The following WWOX variants were observed in gnomAD, a reference collection of about 807,000 sequenced individuals.
The protein encoded by WWOX is WW domain-containing oxidoreductase.
In WWOX, 69 loss-of-function variants were observed where a neutral mutation model predicts 46.2. That is an observed-to-expected ratio of 1.49 (90% CI 1.23 to 1.82). The LOEUF (loss-of-function observed/expected upper bound fraction) is 1.82, where lower values mean the gene tolerates loss of function less well. WWOX is among the 40% of genes most tolerant of loss of function. The pLI is 0.00. For missense variants in WWOX, 919 were observed against 542.6 expected (o/e 1.69, Z -6.89); for synonymous variants, 359 against 202.6 (o/e 1.77, Z -6.56).
chr16:78,679,945 A>G (rs886838532), intron 8 of WWOX, among the ~76,000 whole-genome samples: 1 of 152,166 alleles, frequency 6.6e-6, no homozygotes, highest in South Asian at 2.1e-4. Context: ...GTGCCTTGCA[A>G]ATCCTCTAGT....
intron 8 of WWOX, among the ~76,000 whole-genome samples, chr16:78,871,967 C>A (rs959944575): frequency 6.6e-6 from 1 of 152,192 alleles, no homozygotes; most frequent in Non-Finnish European, 1.5e-5. Flanking sequence ...GAGAGCTTGG[C>A]TGTGGCCTTG....
chr16:78,373,443 A>G (rs571367397), intron 5 of WWOX, among the ~76,000 whole-genome samples: 1 of 152,332 alleles, frequency 6.6e-6, no homozygotes, highest in East Asian at 1.9e-4. Flanking sequence ...GAAATAGCCC[A>G]GGAGTTACAT....
chr16:78,867,720 C>G (rs1301873998), intron 8 of WWOX, among the ~76,000 whole-genome samples: 1 of 151,940 alleles, frequency 6.6e-6, no homozygotes, highest in African/African-American at 2.4e-5. Flanking sequence ...AAGTGAGTTT[C>G]TTAAAGTCCT....
chr16:78,538,218 C>CAA (rs67413792), intron 8 of WWOX, among the ~76,000 whole-genome samples: 606 of 60,074 alleles, frequency 0.01, 28 homozygotes, highest in African/African-American at 0.022. Context: ...TCACTCACAC[C>CAA]AAAAAAAAAA....
chr16:78,635,164 A>T (rs2046537663), intron 8 of WWOX, among the ~76,000 whole-genome samples: 1 of 152,168 alleles, frequency 6.6e-6, no homozygotes, highest in African/African-American at 2.4e-5. Context: ...GCCACTCAAC[A>T]TCTGCAGTCA....
At chr16:78,596,301 T>C (rs76606887) in intron 8 of WWOX, among the ~76,000 whole-genome samples, 3,410 of 152,310 alleles carry the variant, frequency 0.022, 102 homozygotes, top group East Asian at 0.15. Flanking sequence ...CCTGTCTGGC[T>C]GGGTTCTGCT....
intron 8 of WWOX, among the ~76,000 whole-genome samples, chr16:78,540,027 C>CACAA (rs1356296184): frequency 6.6e-5 from 10 of 150,652 alleles, no homozygotes; most frequent in South Asian, 6.3e-4. Context: ...CTCTCACACA[C>CACAA]ACACACACAC....
intron 5 of WWOX, among the ~76,000 whole-genome samples, chr16:78,200,054 T>C (rs1249829460): frequency 6.6e-6 from 1 of 152,184 alleles, no homozygotes; most frequent in East Asian, 1.9e-4. Flanking sequence ...GCTGTAGGAA[T>C]GGCAAGGGAG....
intron 8 of WWOX, among the ~76,000 whole-genome samples, chr16:78,608,609 T>G (rs1032946792): frequency 3.9e-5 from 6 of 152,176 alleles, no homozygotes; most frequent in Non-Finnish European, 7.4e-5. Flanking sequence ...ACCCATACTG[T>G]GGAAGGGTCA....
intron 8 of WWOX, among the ~76,000 whole-genome samples, chr16:78,702,064 A>G (rs1453601494): frequency 9.1e-5 from 11 of 121,186 alleles, no homozygotes; most frequent in Non-Finnish European, 1.8e-4. Flanking sequence ...CAGAAGTTTT[A>G]TATATATATA....
intron 8 of WWOX, among the ~76,000 whole-genome samples, chr16:78,570,648 C>T (rs768426716): frequency 6.6e-6 from 1 of 152,090 alleles, no homozygotes; most frequent in Non-Finnish European, 1.5e-5. Context: ...TACTAGAAGC[C>T]AGGCGTTTCT....
chr16:78,922,097 C>T (rs2045392379), intron 8 of WWOX, among the ~76,000 whole-genome samples: 6 of 152,136 alleles, frequency 3.9e-5, no homozygotes, highest in Admixed American at 3.9e-4. Flanking sequence ...ACCTGAGCCT[C>T]TGTGTTCAGA....
At chr16:78,158,420 G>T (rs750632570) in intron 4 of WWOX, among the ~76,000 whole-genome samples, 8 of 151,992 alleles carry the variant, frequency 5.3e-5, no homozygotes, top group Non-Finnish European at 1.0e-4. Context: ...TAGAGCAATG[G>T]GTTGGTGTTC....
At chr16:78,529,979 G>T (rs1434481603) in intron 8 of WWOX, among the ~76,000 whole-genome samples, 2 of 152,210 alleles carry the variant, frequency 1.3e-5, no homozygotes, top group African/African-American at 4.8e-5. Flanking sequence ...TTGCAGGCAG[G>T]AAGTGGAGTG....
intron 5 of WWOX, among the ~76,000 whole-genome samples, chr16:78,363,616 C>A (rs968894232): frequency 5.3e-5 from 8 of 152,144 alleles, no homozygotes; most frequent in African/African-American, 1.9e-4. Context: ...AAATCCACAT[C>A]TGAGAGTCCC....
chr16:78,377,111 G>T (rs1043680608), intron 5 of WWOX, among the ~76,000 whole-genome samples: 3 of 152,192 alleles, frequency 2.0e-5, no homozygotes, highest in African/African-American at 7.2e-5. Context: ...TGCTTAACAA[G>T]TTTCATTAAG....
At chr16:78,361,588 A>G (rs1188045350) in intron 5 of WWOX, among the ~76,000 whole-genome samples, 5 of 152,008 alleles carry the variant, frequency 3.3e-5, no homozygotes, top group African/African-American at 9.7e-5. Context: ...AGAAAGAGCT[A>G]TCCCTTCTCC....
At chr16:78,816,393 A>G (rs2051330792) in intron 8 of WWOX, among the ~76,000 whole-genome samples, 1 of 151,780 alleles carries the variant, frequency 6.6e-6, no homozygotes, top group South Asian at 2.1e-4. Flanking sequence ...TGTGCTTTTA[A>G]TAGATATTGC....
intron 8 of WWOX, among the ~76,000 whole-genome samples, chr16:78,835,396 C>T (rs920217402): frequency 1.3e-5 from 2 of 152,108 alleles, no homozygotes; most frequent in Middle Eastern, 3.2e-3. Flanking sequence ...TTAAAGGGGC[C>T]AGCAACAAAA....
Sources: gnomAD v4.1 joint callset for allele counts (sites outside exome capture counted in the v4.1 genomes callset) on GRCh38, gnomAD v4.1.1 for gene constraint, MANE v1.5 for transcripts, NCBI Gene and HGNC (gene_info 2026-07-23, HGNC 2026-07-21) for gene names.